Variants in SKAP1 observed in about 807,000 individuals in gnomAD.
The protein encoded by SKAP1 is src kinase associated phosphoprotein 1, also known as src kinase-associated phosphoprotein 1.
A neutral mutation model predicts 58.5 loss-of-function variants in SKAP1; 44 were observed. That is an observed-to-expected ratio of 0.75 (90% CI 0.59 to 0.97). SKAP1 has a LOEUF of 0.97. Ranked by LOEUF, SKAP1 falls within the 50% of genes least tolerant of loss-of-function variation. The pLI, the probability that SKAP1 is intolerant of heterozygous loss-of-function variation, is 0.00. For missense variants in SKAP1, 390 were observed against 435.2 expected, an observed-to-expected ratio of 0.90 and a Z score of 0.92; for synonymous variants, 127 against 149.7, an observed-to-expected ratio of 0.85 and a Z score of 1.11.
chr17:48,430,820 T>C (rs113140484), upstream of SKAP1, among the ~76,000 whole-genome samples: 606 of 152,116 alleles, frequency 4.0e-3, 8 homozygotes, highest in African/African-American at 0.014. Context: ...AAGGAAGGGG[T>C]AACACAGGGA....
At chr17:48,278,696 G>C (rs563796983) in intron 4 of SKAP1, among the ~76,000 whole-genome samples, 2 of 152,172 alleles carry the variant, frequency 1.3e-5, no homozygotes, top group Non-Finnish European at 2.9e-5. Flanking sequence ...ATGAAGAATT[G>C]ATAGCATCTG....
At chr17:48,383,357 G>T (rs532752191) in intron 2 of SKAP1, among the ~76,000 whole-genome samples, 5 of 152,190 alleles carry the variant, frequency 3.3e-5, no homozygotes, top group African/African-American at 1.2e-4. Flanking sequence ...GTTCAGTGCA[G>T]CTCAAAGGGA....
intron 9 of SKAP1, among the ~76,000 whole-genome samples, 183 bp from the exon 10 acceptor site, chr17:48,170,842 C>T (rs903366553): frequency 6.6e-6 from 1 of 151,930 alleles, no homozygotes; most frequent in African/African-American, 2.4e-5. Flanking sequence ...CCCTGAGGAG[C>T]TAGGAGTACA....
chr17:48,259,326 T>C (rs1410963333), intron 4 of SKAP1, among the ~76,000 whole-genome samples: 1 of 152,142 alleles, frequency 6.6e-6, no homozygotes, highest in Non-Finnish European at 1.5e-5. Flanking sequence ...AATAGTTCAC[T>C]TTCTTCTCTA....
intron 4 of SKAP1, among the ~76,000 whole-genome samples, chr17:48,222,105 A>T (rs548392587): frequency 1.3e-5 from 2 of 152,078 alleles, no homozygotes; most frequent in African/African-American, 4.8e-5. Context: ...AACTCTTACC[A>T]CTCTCTCAGA....
At chr17:48,274,068 C>T (rs1002541171) in intron 4 of SKAP1, among the ~76,000 whole-genome samples, 26 of 152,036 alleles carry the variant, frequency 1.7e-4, no homozygotes, top group African/African-American at 5.8e-4. Context: ...GGTCAATAGG[C>T]GTACACCACC....
chr17:48,444,086 T>G, the SKAP1 span, among the ~76,000 whole-genome samples: 2 of 152,106 alleles, frequency 1.3e-5, no homozygotes, highest in South Asian at 2.1e-4. Flanking sequence ...AATGAGGATA[T>G]TCCCTTAAAA....
At chr17:48,141,344 C>T (rs1001120536) in intron 11 of SKAP1, among the ~76,000 whole-genome samples, 2 of 151,440 alleles carry the variant, frequency 1.3e-5, no homozygotes, top group Admixed American at 6.6e-5. Context: ...TGGAAACTTT[C>T]GGTGGGTTCC....
intron 2 of SKAP1, among the ~76,000 whole-genome samples, chr17:48,371,615 G>A (rs959330615): frequency 3.2e-5 from 4 of 125,960 alleles, no homozygotes; most frequent in Admixed American, 2.0e-4. Flanking sequence ...CCAGGAGTTC[G>A]GGACCAGCCA....
chr17:48,230,715 C>T (rs934535480), intron 4 of SKAP1, among the ~76,000 whole-genome samples: 3 of 152,140 alleles, frequency 2.0e-5, no homozygotes, highest in African/African-American at 4.8e-5. Context: ...CACGATCATG[C>T]CACTGCACTG....
Position 48,184,876 on chromosome 17 carries a change from C to T in SKAP1, c.443-29G>A. ...CAAGACAGGAAAGCTCCCTGTATCCCTAGAGAGATGCAACTGCCAAGGGAA... is the reference window on the plus strand; with the variant it reads ...CAAGACAGGAAAGCTCCCTGTATCCTTAGAGAGATGCAACTGCCAAGGGAA... On this transcript the variant is annotated intron_variant, in intron 6 of 12. Transcript: ENST00000336915. The T allele has an allele frequency of 1.3e-6, 2 of 1,597,226 alleles. No individual in the cohort carries two copies. The highest frequency in any genetic ancestry group is 1.7e-6 in the Non-Finnish European group (2 of 1,172,258).
At chr17:48,412,921 A>G (rs2067682591) in intron 1 of SKAP1, among the ~76,000 whole-genome samples, 4 of 152,124 alleles carry the variant, frequency 2.6e-5, no homozygotes, top group Admixed American at 2.0e-4. Flanking sequence ...TAATTTAAGT[A>G]CTTGTTTCTT....
chr17:48,240,340 C>T (rs538085510), intron 4 of SKAP1, among the ~76,000 whole-genome samples: 3 of 152,134 alleles, frequency 2.0e-5, no homozygotes, highest in Admixed American at 1.3e-4. Context: ...CCCAGGGACC[C>T]AAATGTCTCT....
chr17:48,327,293 A>T (rs962148083), intron 4 of SKAP1, among the ~76,000 whole-genome samples: 1 of 152,192 alleles, frequency 6.6e-6, no homozygotes, highest in Admixed American at 6.5e-5. Flanking sequence ...TAAAAATTTT[A>T]AATATGTATT....
intron 11 of SKAP1, among the ~76,000 whole-genome samples, chr17:48,154,394 G>GATGA (rs2063944287): frequency 6.6e-6 from 1 of 152,184 alleles, no homozygotes; most frequent in Non-Finnish European, 1.5e-5. Flanking sequence ...CAGCAAGGAA[G>GATGA]ATGACCCAGA....
At chr17:48,265,850 G>C (rs1160168651) in intron 4 of SKAP1, among the ~76,000 whole-genome samples, 1 of 152,074 alleles carries the variant, frequency 6.6e-6, no homozygotes, top group East Asian at 1.9e-4. Context: ...TGCTCCAAAT[G>C]CCTCCCCTGT....
chr17:48,416,439 C>T (rs1308549454), intron 1 of SKAP1, among the ~76,000 whole-genome samples: 5 of 152,164 alleles, frequency 3.3e-5, no homozygotes, highest in African/African-American at 1.2e-4. Context: ...TCCCAGGGCT[C>T]TCCTTGTACT....
intron 3 of SKAP1, among the ~76,000 whole-genome samples, chr17:48,355,250 C>T (rs7207928): frequency 0.3 from 46,264 of 151,982 alleles, 7,279 homozygotes; most frequent in Admixed American, 0.38. Flanking sequence ...GAGTATTATA[C>T]AATACTAATT....
chr17:48,417,204 C>T (rs1020216210), intron 1 of SKAP1, among the ~76,000 whole-genome samples: 6 of 152,132 alleles, frequency 3.9e-5, no homozygotes, highest in African/African-American at 1.2e-4. Flanking sequence ...TGGCTAGGTT[C>T]GACCTGCTAA....
Sources: gnomAD v4.1 joint callset for allele counts (sites outside exome capture counted in the v4.1 genomes callset) on GRCh38, gnomAD v4.1.1 for gene constraint, MANE v1.5 for transcripts, NCBI Gene and HGNC (gene_info 2026-07-23, HGNC 2026-07-21) for gene names.